DCC: variants seen among roughly 807,000 people sequenced by gnomAD.
DCC encodes the protein DCC netrin 1 receptor.
In DCC, 58 loss-of-function variants were observed where a neutral mutation model predicts 172.5. That is an observed-to-expected ratio of 0.34 (90% confidence interval 0.27 to 0.42). The LOEUF (loss-of-function observed/expected upper bound fraction) is 0.42. DCC is among the 10% of genes least tolerant of loss of function. DCC has a pLI of 1.00. For synonymous variants in DCC, 709 were observed against 644.5 expected, an observed-to-expected ratio of 1.10 and a Z score of -1.52; for missense variants, 1,740 against 1,791.0, an observed-to-expected ratio of 0.97 and a Z score of 0.51.
chr18:52,388,110 C>T (rs1985888417), intron 1 of DCC, among the ~76,000 whole-genome samples: 1 of 152,022 alleles, frequency 6.6e-6, no homozygotes, highest in South Asian at 2.1e-4. Context: ...ATAACATTAA[C>T]ATCTGTGGAC....
intron 1 of DCC, among the ~76,000 whole-genome samples, chr18:52,577,788 G>A (rs1394957830): frequency 6.6e-6 from 1 of 152,178 alleles, no homozygotes; most frequent in Admixed American, 6.5e-5. Flanking sequence ...GGCAGAGATT[G>A]CTGTTGTTTA....
intron 12 of DCC, among the ~76,000 whole-genome samples, chr18:53,226,948 A>ATATATATATATAGATTTTTTTTTTTTTT: frequency 1.9e-5 from 1 of 52,950 alleles, no homozygotes; most frequent in Non-Finnish European, 4.0e-5. Flanking sequence ...ATATATATAT[A>ATATATATATATAGATTTTTTTTTTTTTT]TTTTTTTTTT....
chr18:53,318,752 GTT>G (rs57810228), intron 13 of DCC, among the ~76,000 whole-genome samples: 64,029 of 131,984 alleles, frequency 0.49, 14,838 homozygotes, highest in Non-Finnish European at 0.55. Flanking sequence ...TCTTCGTTGG[GTT>G]TTTTTTTTTT....
rs572890552 is a variant in DCC, at chr18:52,785,340, T to C, written c.412+32966T>C. ...CAGCTCTACTTTATAGGCTGCTCTT[T>C]GTTAGAAAATGATTTGGGGCTGCTT... On this transcript the variant is annotated intron_variant, in intron 2 of 28. Coordinates refer to ENST00000442544, the MANE Select transcript of DCC (RefSeq NM_005215.4). 4.3e-4 allele frequency among the ~76,000 whole-genome samples: 66 copies of C among 152,192 alleles called. No homozygotes were observed. In the East Asian group the frequency reaches 9.3e-3, roughly 21 times the overall value.
chr18:53,358,683 G>C (rs1452489816), intron 15 of DCC, among the ~76,000 whole-genome samples: 1 of 151,640 alleles, frequency 6.6e-6, no homozygotes, highest in Admixed American at 6.6e-5. Flanking sequence ...ACCACACCAG[G>C]CTAAATTTTT....
At chr18:52,902,064 G>A (rs902425539) in intron 2 of DCC, among the ~76,000 whole-genome samples, 14 of 152,254 alleles carry the variant, frequency 9.2e-5, no homozygotes, top group Admixed American at 7.2e-4. Flanking sequence ...CAGAGAGCGT[G>A]TTCCTTTTCA....
At chr18:53,237,502 G>T (rs569052780) in intron 12 of DCC, among the ~76,000 whole-genome samples, 14 of 152,130 alleles carry the variant, frequency 9.2e-5, no homozygotes, top group Non-Finnish European at 1.9e-4. Flanking sequence ...CAGCCAATCA[G>T]TAGTCATATT....
chr18:53,453,557 A>G (rs1443322023), intron 23 of DCC, among the ~76,000 whole-genome samples: 3 of 152,080 alleles, frequency 2.0e-5, no homozygotes, highest in Non-Finnish European at 4.4e-5. Flanking sequence ...TTAAGTGTCT[A>G]TGCATTTAAT....
intron 2 of DCC, among the ~76,000 whole-genome samples, chr18:52,896,520 G>T (rs2039732830): frequency 6.6e-6 from 1 of 152,168 alleles, no homozygotes; most frequent in Non-Finnish European, 1.5e-5. Flanking sequence ...AAATGGCATT[G>T]ATGTTCAGTA....
In DCC at chr18:52,624,874, C is replaced by T. The variant is rs199714188; in HGVS notation, c.92-127180C>T. 9.2e-5 allele frequency among the ~76,000 whole-genome samples: 14 copies of T among 152,222 alleles called. No homozygotes were observed. In the East Asian group the frequency reaches 2.3e-3, roughly 25 times the overall value. ...TTCACGTGCAGTTGCATTTGGCTTA[C>T]GCAGATCGTAAGCCATTCATAGAGT... On this transcript the variant is annotated intron_variant, in intron 1 of 28. Coordinates refer to ENST00000442544, the MANE Select transcript of DCC (RefSeq NM_005215.4).
chr18:53,009,469 T>G (rs527312838), intron 5 of DCC, among the ~76,000 whole-genome samples: 1 of 151,984 alleles, frequency 6.6e-6, no homozygotes, highest in African/African-American at 2.4e-5. Context: ...GCTGAAGTGG[T>G]GTCAGTGGTT....
chr18:53,351,433 TATATACAGTGTATATATATATATACAC>T (rs2057807647), intron 15 of DCC, among the ~76,000 whole-genome samples: 1 of 74,314 alleles, frequency 1.3e-5, no homozygotes, highest in African/African-American at 6.4e-5. Flanking sequence ...TGTGTATATA[TATATACAGTGTATATATATATATACAC>T]AGTGTGTATA....
At chr18:53,210,552 G>C (rs1214235862) in intron 11 of DCC, among the ~76,000 whole-genome samples, 2 of 151,932 alleles carry the variant, frequency 1.3e-5, no homozygotes, top group African/African-American at 4.8e-5. Context: ...GAATTAATTA[G>C]ACAGCTCAGT....
intron 12 of DCC, among the ~76,000 whole-genome samples, chr18:53,250,907 A>G (rs1170221553): frequency 2.0e-5 from 3 of 151,870 alleles, no homozygotes; most frequent in Non-Finnish European, 4.4e-5. Context: ...ACCTGTTCTC[A>G]TCGAGGTCAT....
chr18:52,554,368 G>T (rs141793607), intron 1 of DCC, among the ~76,000 whole-genome samples: 1 of 152,162 alleles, frequency 6.6e-6, no homozygotes, highest in African/African-American at 2.4e-5. Context: ...ACATAAAGTT[G>T]CAGGGGCTGC....
intron 3 of DCC, among the ~76,000 whole-genome samples, chr18:52,913,686 A>G (rs1007533892): frequency 9.2e-5 from 14 of 152,142 alleles, no homozygotes; most frequent in African/African-American, 3.4e-4. Flanking sequence ...GTTTTTTCCC[A>G]AGAGTCTCAT....
chr18:53,294,017 A>G (rs2057036687), intron 12 of DCC, among the ~76,000 whole-genome samples: 1 of 152,136 alleles, frequency 6.6e-6, no homozygotes, highest in African/African-American at 2.4e-5. Flanking sequence ...TCCTACAATG[A>G]AGCGGGTTGG....
intron 5 of DCC, among the ~76,000 whole-genome samples, chr18:53,046,217 C>T (rs181834935): frequency 6.6e-6 from 1 of 152,002 alleles, no homozygotes; most frequent in African/African-American, 2.4e-5. Context: ...GAAAGAAATA[C>T]TGTCATTTCT....
At chr18:52,503,423 C>T (rs2031106711) in intron 1 of DCC, among the ~76,000 whole-genome samples, 1 of 152,080 alleles carries the variant, frequency 6.6e-6, no homozygotes, top group Non-Finnish European at 1.5e-5. Flanking sequence ...AAATCTAAGC[C>T]CCTCCCTACT....
Sources: allele counts gnomAD v4.1 joint callset (sites outside exome capture counted in the v4.1 genomes callset), GRCh38; gene constraint gnomAD v4.1.1; transcripts MANE v1.5; gene names NCBI Gene and HGNC (gene_info 2026-07-23, HGNC 2026-07-21).